Variants in CEP70 observed in about 807,000 individuals in gnomAD.
CEP70 encodes the protein centrosomal protein 70, also known as centrosomal protein of 70 kDa.
Under a neutral mutation model 90.9 loss-of-function variants are expected in CEP70, and 70 were observed. The ratio of observed to expected loss-of-function variants is 0.77; its 90% CI spans 0.64 to 0.94. CEP70 has a LOEUF of 0.94. Among genes scored for constraint, CEP70 ranks in the 40% least tolerant of loss-of-function variants. The pLI, the probability that CEP70 is intolerant of heterozygous loss-of-function variation, is 0.00. For missense variants in CEP70, 648 were observed against 669.0 expected, an observed-to-expected ratio of 0.97 and a Z score of 0.35; for synonymous variants, 220 against 228.3, an observed-to-expected ratio of 0.96 and a Z score of 0.33.
At chr3:138,524,226 A>T (rs937091613) in intron 11 of CEP70, among the ~76,000 whole-genome samples, 1 of 151,816 alleles carries the variant, frequency 6.6e-6, no homozygotes, top group African/African-American at 2.4e-5. Flanking sequence ...AAATTAATTC[A>T]AGATGGATTA....
intron 6 of CEP70, among the ~76,000 whole-genome samples, chr3:138,555,686 G>T (rs916360637): frequency 2.0e-5 from 3 of 152,210 alleles, no homozygotes; most frequent in African/African-American, 7.2e-5. Context: ...CCAATGGTCA[G>T]GGAAATGCAG....
intron 6 of CEP70, among the ~76,000 whole-genome samples, chr3:138,559,390 G>A (rs1553859403): frequency 6.6e-6 from 1 of 152,148 alleles, no homozygotes; most frequent in Non-Finnish European, 1.5e-5. Flanking sequence ...AAAATCAAAG[G>A]AAGATAAATC....
chr3:138,505,257 T>C (rs765927900), intron 13 of CEP70, 38 bp downstream of exon 13: 5 of 1,487,262 alleles, frequency 3.4e-6, no homozygotes, highest in Non-Finnish European at 4.5e-6. Context: ...TAGAGTCCAA[T>C]AGATGTTCAA....
chr3:138,511,689 C>T (rs1035633326), intron 11 of CEP70, among the ~76,000 whole-genome samples: 4 of 152,172 alleles, frequency 2.6e-5, no homozygotes, highest in Non-Finnish European at 5.9e-5. Flanking sequence ...ACAGTAACTA[C>T]AACTTATTGG....
chr3:138,505,994 C>G (rs914751818), intron 12 of CEP70, among the ~76,000 whole-genome samples: 2 of 152,164 alleles, frequency 1.3e-5, no homozygotes, highest in Non-Finnish European at 1.5e-5. Context: ...AAAGTTGAAA[C>G]AAAATTAACT....
intron 6 of CEP70, among the ~76,000 whole-genome samples, chr3:138,560,161 C>T (rs370321289): frequency 6.6e-5 from 10 of 152,172 alleles, no homozygotes; most frequent in East Asian, 3.8e-4. Flanking sequence ...ACTGAGGTAC[C>T]GTGTTCATCT....
At chr3:138,579,626 C>T (rs2041744694) in intron 2 of CEP70, among the ~76,000 whole-genome samples, 1 of 151,834 alleles carries the variant, frequency 6.6e-6, no homozygotes, top group Non-Finnish European at 1.5e-5. Context: ...CAGAAAGGAG[C>T]CCACTGCCTT....
At chr3:138,566,160 A>G (rs534771677) in intron 6 of CEP70, among the ~76,000 whole-genome samples, 1 of 152,244 alleles carries the variant, frequency 6.6e-6, no homozygotes, top group Non-Finnish European at 1.5e-5. Flanking sequence ...GGCGATCATT[A>G]AAAAGTCAGA....
intron 1 of CEP70, among the ~76,000 whole-genome samples, chr3:138,592,305 C>T (rs2042423088): frequency 6.6e-6 from 1 of 152,174 alleles, no homozygotes; most frequent in African/African-American, 2.4e-5. Flanking sequence ...CCACTGATCA[C>T]AAAAGCAAAC....
At chr3:138,559,898 A>T (rs746005314) in intron 6 of CEP70, among the ~76,000 whole-genome samples, 2 of 152,244 alleles carry the variant, frequency 1.3e-5, no homozygotes, top group Non-Finnish European at 2.9e-5. Flanking sequence ...CTACCAACTT[A>T]TAATTCTATA....
intron 11 of CEP70, among the ~76,000 whole-genome samples, chr3:138,509,175 G>T (rs936947883): frequency 6.6e-6 from 1 of 152,156 alleles, no homozygotes; most frequent in African/African-American, 2.4e-5. Flanking sequence ...ACCCACAAAA[G>T]ACAGCACAAG....
chr3:138,547,386 A>G (rs1346015037), intron 6 of CEP70, among the ~76,000 whole-genome samples: 1 of 152,218 alleles, frequency 6.6e-6, no homozygotes, highest in Non-Finnish European at 1.5e-5. Flanking sequence ...CCACCAACAA[A>G]TTAATGGCCT....
In CEP70 at chr3:138,571,088, G is replaced by A; in HGVS notation, c.230C>T (p.Thr77Ile). 1 of 1,605,424 alleles carries A rather than the reference G, an allele frequency of 6.2e-7. No homozygotes were observed. Among genetic ancestry groups the A allele is most frequent in the African/African-American group, 1.3e-5 (1 of 74,746 alleles). The change falls in exon 5 of 18, where the codon ACA (threonine) becomes ATA (isoleucine). Residue 77 changes from threonine to isoleucine, a missense_variant. Transcript: ENST00000264982. ...CTGTATCATGTTCTGTTGACATGAT[G>A]TTTCTTCCACCAACAATTTCAAATT... Reference protein sequence around the residue: ...RQNLKLLVEETSCQQNMIQEL... With the variant: ...RQNLKLLVEEISCQQNMIQEL...
chr3:138,522,840 T>C (rs979368351), intron 11 of CEP70, among the ~76,000 whole-genome samples: 3 of 151,958 alleles, frequency 2.0e-5, no homozygotes, highest in East Asian at 1.9e-4. Flanking sequence ...TTCCAATCAA[T>C]AGAAAAAGAG....
intron 2 of CEP70, among the ~76,000 whole-genome samples, chr3:138,587,644 G>T (rs2042172526): frequency 6.8e-6 from 1 of 146,570 alleles, no homozygotes. Context: ...GCCAGGCATT[G>T]TGGCATGAAC....
At chr3:138,499,662 C>T (rs2034298072) in intron 16 of CEP70, among the ~76,000 whole-genome samples, 1 of 152,062 alleles carries the variant, frequency 6.6e-6, no homozygotes, top group East Asian at 1.9e-4. Context: ...CAAGGCTGGG[C>T]ATGGTAGCTC....
At chr3:138,534,912 T>C (rs920653990) in intron 7 of CEP70, among the ~76,000 whole-genome samples, 1 of 152,242 alleles carries the variant, frequency 6.6e-6, no homozygotes, top group Non-Finnish European at 1.5e-5. Context: ...CTATCCATCT[T>C]TGCAGTGTCT....
At chr3:138,557,812 T>C (rs1178967334) in intron 6 of CEP70, among the ~76,000 whole-genome samples, 1 of 152,064 alleles carries the variant, frequency 6.6e-6, no homozygotes, top group African/African-American at 2.4e-5. Context: ...ATAAAAAATT[T>C]TTAAAAAAGA....
Position 138,500,738 on chromosome 3 carries a change from T to C in CEP70, c.1365A>G (p.Glu455=). The C allele has an allele frequency of 1.3e-6, 2 of 1,591,720 alleles. No individual in the cohort carries two copies. The highest frequency in any genetic ancestry group is 1.7e-6 in the Non-Finnish European group (2 of 1,171,094). The change falls in exon 14 of 18, where the codon GAA becomes GAG. Residue 455 remains glutamate, a synonymous_variant. Transcript: ENST00000264982. ...DTMLEEVENK[E]KDSNMPHFQT... The stretch of plus-strand genomic sequence containing the variant: ...TGACCGTTCATGTAGGTATTACCTT[T>C]TCCTTATTTTCAACTTCTTCCAGCA...
Sources: allele counts gnomAD v4.1 joint callset (sites outside exome capture counted in the v4.1 genomes callset), GRCh38; gene constraint gnomAD v4.1.1; transcripts MANE v1.5; gene names NCBI Gene and HGNC (gene_info 2026-07-23, HGNC 2026-07-21).